GUCY2F: variants seen among roughly 807,000 people sequenced by gnomAD.
The protein encoded by GUCY2F is guanylate cyclase 2F, retinal, also known as retinal guanylyl cyclase 2.
GUCY2F carries 61 observed loss-of-function variants against 73.1 expected under a neutral mutation model. The observed-to-expected ratio is 0.83, with a 90% confidence interval of 0.68 to 1.03. The LOEUF (loss-of-function observed/expected upper bound fraction) is 1.03, where lower values mean the gene tolerates loss of function less well. Ranked by LOEUF, GUCY2F falls within the 50% of genes least tolerant of loss-of-function variation. The pLI, the probability that GUCY2F is intolerant of heterozygous loss-of-function variation, is 0.00. For missense variants in GUCY2F, 912 were observed against 854.3 expected (o/e 1.07, Z -0.84); for synonymous variants, 331 against 307.8 (o/e 1.08, Z -0.79).
intron 9 of GUCY2F, 64 bp from the exon 10 acceptor site, chrX:109,404,548 A>G: frequency 2.6e-6 from 2 of 762,020 alleles, no homozygotes; most frequent in Non-Finnish European, 3.9e-6. Flanking sequence ...TTTAACACCA[A>G]TTTCTGAGAT....
At chrX:109,431,062 A>C (rs1377120249) in intron 7 of GUCY2F, among the ~76,000 whole-genome samples, 2 of 111,683 alleles carry the variant, frequency 1.8e-5, no homozygotes, top group East Asian at 5.6e-4. Context: ...TGCTATTTTA[A>C]GGCTTCTGTC....
In GUCY2F at chrX:109,446,169, G is replaced by A. The variant is rs748295863; in HGVS notation, c.1569+1900C>T. Among the ~76,000 whole-genome samples the A allele has an allele frequency of 2.7e-5, 3 of 111,971 alleles. No homozygotes were observed. In the South Asian group the frequency reaches 1.1e-3, roughly 42 times the overall value. On this transcript the variant is annotated intron_variant, in intron 6 of 19. Transcript: ENST00000218006. The stretch of plus-strand genomic sequence containing the variant: ...AACATTCCATGCTCATGAATAAGAA[G>A]AATCAATATCATGAAAATGGCCATA...
At chrX:109,375,144 T>C (rs1930146332) in intron 19 of GUCY2F, among the ~76,000 whole-genome samples, 1 of 101,394 alleles carries the variant, frequency 9.9e-6, no homozygotes, top group Admixed American at 1.1e-4. Flanking sequence ...AAAGTTTCCA[T>C]GGAAGAGAGA....
At chrX:109,409,259 T>C in intron 8 of GUCY2F, 91 bp from the exon 9 acceptor site, 1 of 482,531 alleles carries the variant, frequency 2.1e-6, no homozygotes, top group South Asian at 3.3e-5. Context: ...TTGACCCTTC[T>C]TATGATTGGT....
chrX:109,438,302 T>C (rs1931798407), intron 7 of GUCY2F, among the ~76,000 whole-genome samples: 1 of 112,172 alleles, frequency 8.9e-6, no homozygotes, highest in African/African-American at 3.2e-5. Flanking sequence ...AATAGCAAGC[T>C]AGCTGAAGGC....
At chrX:109,455,008 A>G (rs917604546) in intron 3 of GUCY2F, among the ~76,000 whole-genome samples, 1 of 111,990 alleles carries the variant, frequency 8.9e-6, no homozygotes, top group Non-Finnish European at 1.9e-5. Context: ...AAAAGTCAAG[A>G]TGCAGAGAGG....
At position 109,410,109 on chromosome X, in the gene GUCY2F, G is replaced by A. The variant is rs144892128; in HGVS notation, c.1792-941C>T. On this transcript the variant is annotated intron_variant, in intron 8 of 19. Transcript: ENST00000218006. ...GCCAAGCAAAACACCCAGCTGAGTC[G>A]GCATTGACTGCTGATCTACAGAACT... Among the ~76,000 whole-genome samples, 843 of 111,785 alleles carry A rather than the reference G, an allele frequency of 7.5e-3. 7 individuals carry two copies. Among genetic ancestry groups the A allele is most frequent in the Non-Finnish European group, 0.011 (589 of 53,161 alleles).
At chrX:109,383,285 T>C in intron 16 of GUCY2F, 1 of 209,210 alleles carries the variant, frequency 4.8e-6, no homozygotes, top group Admixed American at 9.4e-5. Flanking sequence ...CACAAGCATC[T>C]GGTCTTCAGG....
intron 14 of GUCY2F, among the ~76,000 whole-genome samples, chrX:109,390,722 T>C (rs1352591284): frequency 8.9e-6 from 1 of 112,843 alleles, no homozygotes; most frequent in Non-Finnish European, 1.9e-5. Flanking sequence ...AGTGATTTGT[T>C]TTTCTCTTCA....
At chrX:109,480,662 C>T (rs189546402) in intron 1 of GUCY2F, among the ~76,000 whole-genome samples, 79 of 110,873 alleles carry the variant, frequency 7.1e-4, no homozygotes, top group Non-Finnish European at 1.2e-3. Context: ...ACAAAGTGTC[C>T]CTTGGCATTC....
chrX:109,464,370 T>G (rs774028657), intron 3 of GUCY2F, among the ~76,000 whole-genome samples: 1 of 112,481 alleles, frequency 8.9e-6, no homozygotes. Flanking sequence ...TACACACATA[T>G]AAATACTATT....
At chrX:109,391,753 A>G (rs1442371907) in intron 14 of GUCY2F, among the ~76,000 whole-genome samples, 158 bp downstream of exon 14, 2 of 112,076 alleles carry the variant, frequency 1.8e-5, no homozygotes, top group Non-Finnish European at 3.8e-5. Flanking sequence ...CCCGGCTCTC[A>G]TTTCCAGTGA....
At chrX:109,401,960 G>A (rs926441632) in intron 10 of GUCY2F, among the ~76,000 whole-genome samples, 5 of 111,471 alleles carry the variant, frequency 4.5e-5, no homozygotes, top group Non-Finnish European at 9.4e-5. Flanking sequence ...CATAAAGCAG[G>A]GGGGTAGTGG....
In GUCY2F at chrX:109,452,111, C is replaced by T. The variant is rs1289700641; in HGVS notation, c.1388-4G>A. 1 of 1,023,586 alleles carries T rather than the reference C, an allele frequency of 9.8e-7. No homozygotes were observed. The highest frequency in any genetic ancestry group is 3.0e-5 in the East Asian group (1 of 33,017). The allele number at this position is 1,023,586 out of a possible 1,213,427, so 84.4% of individuals were successfully genotyped here. ...ATGGCAAAGGCAGGGTCGATGCCTG[C>T]AGAGAGTGAGAGGAAGAGGAAGAAT... On this transcript the variant is annotated splice_polypyrimidine_tract_variant and splice_region_variant and intron_variant, in intron 4 of 19. Coordinates refer to ENST00000218006, the MANE Select transcript of GUCY2F (RefSeq NM_001522.3).
At chrX:109,465,549 G>A in intron 2 of GUCY2F, 106 bp from the exon 3 acceptor site, 10 of 557,764 alleles carry the variant, frequency 1.8e-5, no homozygotes, top group Non-Finnish European at 3.0e-5. Flanking sequence ...ATTTGTAAGT[G>A]GTTTCTTATG....
chrX:109,476,966 T>A lies in GUCY2F; in HGVS notation c.-85-945A>T, dbSNP rs1160406553. 6.3e-5 allele frequency among the ~76,000 whole-genome samples: 7 copies of A among 110,798 alleles called. No homozygotes were observed. In the Admixed American group the frequency reaches 6.8e-4, roughly 11 times the overall value. On this transcript the variant is annotated intron_variant, in intron 1 of 19. Coordinates refer to ENST00000218006, the MANE Select transcript of GUCY2F (RefSeq NM_001522.3). ...AGGGCCAGATCACCAAGATATGCCATGATTGAATACTGTACCCAATGGTTT... is the reference window on the plus strand; with the variant it reads ...AGGGCCAGATCACCAAGATATGCCAAGATTGAATACTGTACCCAATGGTTT...
chrX:109,427,093 C>T (rs929300359), intron 8 of GUCY2F, among the ~76,000 whole-genome samples: 1 of 111,966 alleles, frequency 8.9e-6, no homozygotes, highest in Admixed American at 9.4e-5. Context: ...AATTTCACCA[C>T]ATGGTCATGA....
chrX:109,385,347 A>G, intron 15 of GUCY2F, 65 bp from the exon 16 acceptor site: 1 of 542,915 alleles, frequency 1.8e-6, no homozygotes, highest in Non-Finnish European at 3.1e-6. Flanking sequence ...ATAGAGGAAT[A>G]GTGCAAAGAG....
chrX:109,398,310 C>A (rs1185095575), intron 11 of GUCY2F, among the ~76,000 whole-genome samples: 2 of 111,059 alleles, frequency 1.8e-5, no homozygotes, highest in Admixed American at 9.5e-5. Context: ...TGGCATCAGT[C>A]CTGTAGGCCC....
Sources: gnomAD v4.1 joint callset for allele counts (sites outside exome capture counted in the v4.1 genomes callset) on GRCh38, gnomAD v4.1.1 for gene constraint, MANE v1.5 for transcripts, NCBI Gene and HGNC (gene_info 2026-07-23, HGNC 2026-07-21) for gene names.